Variants in FSTL5 observed in about 807,000 individuals in gnomAD.
The protein encoded by FSTL5 is follistatin like 5.
Under a neutral mutation model 89.1 loss-of-function variants are expected in FSTL5, and 62 were observed. The ratio of observed to expected loss-of-function variants is 0.70; its 90% CI spans 0.57 to 0.86. The LOEUF is 0.86. FSTL5 is among the 40% of genes least tolerant of loss of function. The probability of loss-of-function intolerance (pLI) is 0.00; values close to 1 mark genes in which losing one functional copy is unlikely to be tolerated. For synonymous variants in FSTL5, 383 were observed against 346.2 expected, an observed-to-expected ratio of 1.11 and a Z score of -1.18; for missense variants, 1,057 against 1,001.6, an observed-to-expected ratio of 1.06 and a Z score of -0.75.
chr4:161,584,909 C>T (rs1032674480), intron 8 of FSTL5, among the ~76,000 whole-genome samples: 14 of 152,050 alleles, frequency 9.2e-5, no homozygotes, highest in Admixed American at 6.6e-4. Flanking sequence ...TGTGAGATAT[C>T]GGTTCAGGGA....
intron 2 of FSTL5, among the ~76,000 whole-genome samples, chr4:162,050,407 T>G (rs577458341): frequency 8.6e-5 from 13 of 151,240 alleles, no homozygotes; most frequent in African/African-American, 3.1e-4. Context: ...TTTTATAATA[T>G]AAATATTCTT....
intron 8 of FSTL5, among the ~76,000 whole-genome samples, chr4:161,568,563 T>C (rs1181945693): frequency 6.6e-6 from 1 of 152,214 alleles, no homozygotes; most frequent in African/African-American, 2.4e-5. Flanking sequence ...AATGAATAGC[T>C]GTGTTTATGC....
chr4:161,598,108 A>G (rs1734093557), intron 7 of FSTL5, among the ~76,000 whole-genome samples: 1 of 152,204 alleles, frequency 6.6e-6, no homozygotes, highest in Admixed American at 6.5e-5. Flanking sequence ...ACAATAGCTC[A>G]TGGCTGTAAT....
At chr4:162,132,073 A>T (rs778508630) in intron 1 of FSTL5, among the ~76,000 whole-genome samples, 3 of 152,228 alleles carry the variant, frequency 2.0e-5, no homozygotes, top group Non-Finnish European at 4.4e-5. Flanking sequence ...ATTAACCTCA[A>T]AGCGTTTGAA....
At chr4:161,629,365 G>A (rs1461337282) in intron 7 of FSTL5, among the ~76,000 whole-genome samples, 7 of 151,466 alleles carry the variant, frequency 4.6e-5, no homozygotes, top group Admixed American at 2.6e-4. Context: ...TTTTTGAGAC[G>A]GAGTTTTGCT....
intron 3 of FSTL5, among the ~76,000 whole-genome samples, chr4:162,017,051 A>G (rs1736934762): frequency 6.6e-6 from 1 of 152,214 alleles, no homozygotes; most frequent in Non-Finnish European, 1.5e-5. Context: ...GTTTAAAAGT[A>G]AAGTTTTAAA....
intron 1 of FSTL5, among the ~76,000 whole-genome samples, chr4:162,145,394 A>G (rs1732933458): frequency 1.3e-5 from 2 of 152,154 alleles, no homozygotes; most frequent in Admixed American, 6.5e-5. Flanking sequence ...AGAGGTTTCC[A>G]TACAATATTT....
At chr4:161,452,140 C>T (rs1039040021) in intron 15 of FSTL5, among the ~76,000 whole-genome samples, 3 of 152,142 alleles carry the variant, frequency 2.0e-5, no homozygotes, top group Non-Finnish European at 2.9e-5. Context: ...ACGATTCAAT[C>T]TCAGCAGCAC....
At chr4:161,722,802 TA>T (rs1289378220) in intron 6 of FSTL5, among the ~76,000 whole-genome samples, 1 of 152,200 alleles carries the variant, frequency 6.6e-6, no homozygotes, top group Non-Finnish European at 1.5e-5. Context: ...CTAAATATGC[TA>T]AATGTCACTA....
intron 4 of FSTL5, among the ~76,000 whole-genome samples, chr4:161,845,377 G>C (rs1046553963): frequency 6.6e-6 from 1 of 152,064 alleles, no homozygotes; most frequent in African/African-American, 2.4e-5. Flanking sequence ...TTGTTTTTCA[G>C]GCTTCAGAGT....
At chr4:161,436,154 A>G (rs1732553915) in intron 15 of FSTL5, among the ~76,000 whole-genome samples, 1 of 152,142 alleles carries the variant, frequency 6.6e-6, no homozygotes. Context: ...TGTAGTCACC[A>G]ATTCAGGCAG....
chr4:161,719,466 C>T (rs1739114802), intron 6 of FSTL5, among the ~76,000 whole-genome samples: 1 of 152,018 alleles, frequency 6.6e-6, no homozygotes, highest in Non-Finnish European at 1.5e-5. Flanking sequence ...ATTAAAGTTG[C>T]TTTGGCTATT....
At chr4:161,426,197 A>G (rs1732162416) in intron 15 of FSTL5, among the ~76,000 whole-genome samples, 1 of 151,372 alleles carries the variant, frequency 6.6e-6, no homozygotes, top group African/African-American at 2.5e-5. Context: ...ACTCTATTCA[A>G]ATAACACTTA....
chr4:161,498,747 T>C (rs1045054419), intron 12 of FSTL5, among the ~76,000 whole-genome samples: 1 of 152,172 alleles, frequency 6.6e-6, no homozygotes, highest in Non-Finnish European at 1.5e-5. Context: ...TCCATATTTC[T>C]TATTCAGAAT....
intron 6 of FSTL5, among the ~76,000 whole-genome samples, chr4:161,703,057 G>A (rs964314274): frequency 1.3e-5 from 2 of 152,018 alleles, no homozygotes; most frequent in East Asian, 1.9e-4. Flanking sequence ...ATATGCACAC[G>A]TAAAGAAAAG....
intron 4 of FSTL5, among the ~76,000 whole-genome samples, chr4:161,910,144 C>A (rs1276100491): frequency 6.6e-6 from 1 of 152,122 alleles, no homozygotes; most frequent in African/African-American, 2.4e-5. Context: ...CTTCTGTCCT[C>A]CTTACGACTT....
At chr4:161,892,898 A>G (rs559493665) in intron 4 of FSTL5, among the ~76,000 whole-genome samples, 2 of 152,094 alleles carry the variant, frequency 1.3e-5, no homozygotes, top group Non-Finnish European at 2.9e-5. Flanking sequence ...TTACATGCAC[A>G]TTTCAAAAAT....
chr4:161,650,586 A>C (rs1736303809), intron 7 of FSTL5, among the ~76,000 whole-genome samples: 1 of 152,176 alleles, frequency 6.6e-6, no homozygotes. Flanking sequence ...GAACATGATC[A>C]ACAATGCCAT....
chr4:161,700,122 C>T (rs912167427), intron 6 of FSTL5, among the ~76,000 whole-genome samples: 3 of 152,104 alleles, frequency 2.0e-5, no homozygotes, highest in Non-Finnish European at 4.4e-5. Context: ...ATATTGCTTA[C>T]CATATGCTTG....
Sources: allele counts gnomAD v4.1 joint callset (sites outside exome capture counted in the v4.1 genomes callset), GRCh38; gene constraint gnomAD v4.1.1; transcripts MANE v1.5; gene names NCBI Gene and HGNC (gene_info 2026-07-23, HGNC 2026-07-21).